SYK: variants seen among roughly 807,000 people sequenced by gnomAD.
The protein encoded by SYK is spleen associated tyrosine kinase, also known as tyrosine-protein kinase SYK.
Under a neutral mutation model 77.8 loss-of-function variants are expected in SYK, and 16 were observed. The ratio of observed to expected loss-of-function variants is 0.21; its 90% CI spans 0.14 to 0.31. The LOEUF (loss-of-function observed/expected upper bound fraction) is 0.31. SYK is among the 10% of genes least tolerant of loss of function. SYK has a pLI of 1.00. For synonymous variants in SYK, 312 were observed against 308.7 expected (o/e 1.01, Z -0.11); for missense variants, 529 against 814.4 (o/e 0.65, Z 4.26).
At chr9:90,874,437 A>C in intron 8 of SYK, 146 bp downstream of exon 8, 5 of 919,672 alleles carry the variant, frequency 5.4e-6, no homozygotes, top group Non-Finnish European at 8.5e-6. Flanking sequence ...ATCTAGTGGC[A>C]GGCAGCAGGC....
chr9:90,889,079 A>G (rs1828689939), intron 13 of SYK, among the ~76,000 whole-genome samples: 1 of 152,210 alleles, frequency 6.6e-6, no homozygotes, highest in African/African-American at 2.4e-5. Flanking sequence ...CTAAGGTTGC[A>G]CTTCCCTAGA....
In SYK at chr9:90,828,404, G is replaced by A. The variant is rs143710991; in HGVS notation, c.-41-15454G>A. 4.6e-3 allele frequency among the ~76,000 whole-genome samples: 696 copies of A among 152,188 alleles called. 3 individuals carry two copies. The highest frequency in any genetic ancestry group is 1.0e-2 in the South Asian group (48 of 4,818). On this transcript the variant is annotated intron_variant, in intron 1 of 13. Transcript: ENST00000375754. The stretch of plus-strand genomic sequence containing the variant: ...GTAAGATCTATCAGGCATATTCAAC[G>A]TGAGTTCTTTTTTCTAGCATCTTGT...
intron 1 of SYK, among the ~76,000 whole-genome samples, chr9:90,822,129 A>C (rs1046262688): frequency 6.6e-6 from 1 of 152,226 alleles, no homozygotes; most frequent in Non-Finnish European, 1.5e-5. Context: ...GTATAACCTG[A>C]AATAATGAGA....
At position 90,895,542 on chromosome 9, in the gene SYK, C is replaced by T; in HGVS notation, c.1850C>T (p.Pro617Leu). 2 of 1,614,072 alleles carry T rather than the reference C, an allele frequency of 1.2e-6. No homozygotes were observed. The highest frequency in any genetic ancestry group is 1.7e-6 in the Non-Finnish European group (2 of 1,180,000). Residue 617 changes from proline to leucine, a missense_variant, in exon 14 of 14, where the codon CCC becomes CTC. By Grantham distance (98) the Pro-to-Leu change is moderately conservative. Transcript: ENST00000375754. The surrounding 1 kb of genome is among the most constrained non-coding windows in gnomAD (Gnocchi z 4.4). The stretch of plus-strand genomic sequence containing the variant: ...TTCCATTCCAGTGTGGAAAACAGGC[C>T]CGGATTCGCAGCAGTGGAACTGCGG... ...LCWTYDVENR[P>L]GFAAVELRLR...
chr9:90,872,397 T>C (rs1001105365), intron 7 of SYK, among the ~76,000 whole-genome samples: 1 of 152,126 alleles, frequency 6.6e-6, no homozygotes, highest in Non-Finnish European at 1.5e-5. Flanking sequence ...GCAGGGAAAA[T>C]CAAAGGAGTT....
chr9:90,803,179 A>G (rs2118221954), intron 1 of SYK, among the ~76,000 whole-genome samples: 1 of 152,264 alleles, frequency 6.6e-6, no homozygotes, highest in South Asian at 2.1e-4. Context: ...TTTTGTTTTA[A>G]CGTATTTAGA....
intron 1 of SYK, among the ~76,000 whole-genome samples, chr9:90,808,640 T>C (rs1336585681): frequency 2.0e-5 from 3 of 152,062 alleles, no homozygotes; most frequent in Admixed American, 6.5e-5. Context: ...GGTATGGCCA[T>C]GCCTTCCCTA....
At chr9:90,817,452 G>A (rs183765507) in intron 1 of SYK, among the ~76,000 whole-genome samples, 1 of 152,258 alleles carries the variant, frequency 6.6e-6, no homozygotes, top group East Asian at 1.9e-4. Context: ...CATGCTGCCT[G>A]CAGTGTTAAT....
intron 13 of SYK, among the ~76,000 whole-genome samples, chr9:90,890,327 A>C (rs1828740316): frequency 1.3e-5 from 2 of 152,228 alleles, no homozygotes; most frequent in Non-Finnish European, 2.9e-5. Flanking sequence ...CCATGGACGC[A>C]CGTAACAGTG....
chr9:90,840,530 A>G (rs1451510005), intron 1 of SYK, among the ~76,000 whole-genome samples: 1 of 149,204 alleles, frequency 6.7e-6, no homozygotes, highest in Non-Finnish European at 1.5e-5. Context: ...CATCCTGGCT[A>G]ATGCGGTGAA....
At chr9:90,891,190 G>C (rs998078117) in intron 13 of SYK, among the ~76,000 whole-genome samples, 1 of 133,598 alleles carries the variant, frequency 7.5e-6, no homozygotes, top group South Asian at 2.5e-4. Flanking sequence ...CTGTCGCCCA[G>C]GCTGGAGTGC....
chr9:90,828,115 A>T (rs908196216), intron 1 of SYK, among the ~76,000 whole-genome samples: 1 of 152,018 alleles, frequency 6.6e-6, no homozygotes, highest in African/African-American at 2.4e-5. Flanking sequence ...CTCATAAGGT[A>T]GTGATGGAAA....
intron 9 of SYK, among the ~76,000 whole-genome samples, chr9:90,875,267 A>AT (rs1554713110): frequency 6.6e-6 from 1 of 151,838 alleles, no homozygotes; most frequent in African/African-American, 2.4e-5. Context: ...AAATAAATAA[A>AT]ACATAAAAAA....
In SYK at chr9:90,843,254, TTA is replaced by T. The variant is rs1157082887; in HGVS notation, c.-41-602_-41-601del. Among the ~76,000 whole-genome samples, 6 of 152,282 alleles carry T rather than the reference TTA, an allele frequency of 3.9e-5. No homozygotes were observed. The South Asian group carries it at 1.0e-3, about 26-fold the overall frequency. Reference sequence around the variant, plus strand: ...GCCCCGGGCTGGAGGTGGGAAGGCCTTATGGTGACCACAAGTCACAGTTCCGT... The same window carrying T: ...GCCCCGGGCTGGAGGTGGGAAGGCCTTGGTGACCACAAGTCACAGTTCCGT... On this transcript the variant is annotated intron_variant, in intron 1 of 13. Coordinates refer to ENST00000375754, the MANE Select transcript of SYK (RefSeq NM_003177.7).
intron 1 of SYK, among the ~76,000 whole-genome samples, chr9:90,829,080 G>A (rs146991445): frequency 6.6e-6 from 1 of 152,286 alleles, no homozygotes; most frequent in African/African-American, 2.4e-5. Flanking sequence ...CATGAGGTCA[G>A]GAGTTTGACA....
intron 1 of SYK, among the ~76,000 whole-genome samples, chr9:90,826,952 C>A (rs1316365423): frequency 1.3e-5 from 2 of 151,984 alleles, no homozygotes; most frequent in African/African-American, 4.8e-5. Flanking sequence ...GCCATTAAGA[C>A]CATCTCTGCT....
In SYK at chr9:90,862,329, C is replaced by T. The variant is rs768493546; in HGVS notation, c.702C>T (p.Phe234=). 8.1e-6 allele frequency: 13 copies of T among 1,613,764 alleles called. No homozygotes were observed. Among genetic ancestry groups the T allele is most frequent in the Admixed American group, 3.3e-5 (2 of 59,996 alleles). The change falls in exon 4 of 14, where the codon TTC becomes TTT. Residue 234 remains phenylalanine (F), a synonymous_variant. Coordinates refer to ENST00000375754, the MANE Select transcript of SYK (RefSeq NM_003177.7). ...GKLSIPEGKK[F]DTLWQLVEHY... ...TCTCCATCCCCGAGGGAAAGAAGTT[C>T]GACACGCTCTGGCAGGTACCCAGCC...
intron 3 of SYK, among the ~76,000 whole-genome samples, chr9:90,861,070 G>A (rs1827237410): frequency 2.0e-5 from 3 of 152,178 alleles, no homozygotes; most frequent in Admixed American, 1.3e-4. Flanking sequence ...CCAAAGGGCT[G>A]CAGCTGTGGA....
At chr9:90,816,333 G>T (rs919345023) in intron 1 of SYK, among the ~76,000 whole-genome samples, 2 of 152,196 alleles carry the variant, frequency 1.3e-5, no homozygotes, top group Admixed American at 1.3e-4. Flanking sequence ...ATTTTCGACA[G>T]AGACATCAGA....
Sources: allele counts gnomAD v4.1 joint callset (sites outside exome capture counted in the v4.1 genomes callset), GRCh38; gene constraint gnomAD v4.1.1; non-coding constraint Gnocchi (gnomAD v3.1); transcripts MANE v1.5; gene names NCBI Gene and HGNC (gene_info 2026-07-23, HGNC 2026-07-21).